ATP1A3: variants seen among roughly 807,000 people sequenced by gnomAD.
The protein encoded by ATP1A3 is ATPase Na+/K+ transporting subunit alpha 3.
ATP1A3 carries 12 observed loss-of-function variants against 108.8 expected under a neutral mutation model. That is an observed-to-expected ratio of 0.11 (90% confidence interval 0.07 to 0.18). ATP1A3 has a LOEUF of 0.18. ATP1A3 is among the 10% of genes least tolerant of loss of function. The pLI, the probability that ATP1A3 is intolerant of heterozygous loss-of-function variation, is 1.00. For synonymous variants in ATP1A3, 539 were observed against 564.5 expected, an observed-to-expected ratio of 0.95 and a Z score of 0.64; for missense variants, 498 against 1,387.7, an observed-to-expected ratio of 0.36 and a Z score of 10.19.
At chr19:41,975,462 G>A (rs1044431953) in intron 16 of ATP1A3, among the ~76,000 whole-genome samples, 167 bp downstream of exon 16, 5 of 152,196 alleles carry the variant, frequency 3.3e-5, no homozygotes, top group Non-Finnish European at 5.9e-5. Flanking sequence ...GGGAGCTCCC[G>A]ACCCCACAGG....
At chr19:41,979,589 G>A (rs1221844420) in intron 11 of ATP1A3, among the ~76,000 whole-genome samples, 1 of 151,862 alleles carries the variant, frequency 6.6e-6, no homozygotes, top group East Asian at 1.9e-4. Context: ...TTACAGGCGT[G>A]AGCCACCACA....
At position 41,988,643 on chromosome 19, in the gene ATP1A3, T is replaced by C. The variant is rs1599726419; in HGVS notation, c.7-81A>G. On this transcript the variant is annotated intron_variant, in intron 1 of 22. Transcript: ENST00000648268. The surrounding 1 kb of genome is among the most constrained non-coding windows in gnomAD (Gnocchi z 5.3). ...GTTCCAGGAGGACACCGGCCCTCCA[T>C]GCCCCAGCTATCCTCCTGGCCGGTG... 4 of 1,610,952 alleles carry C rather than the reference T, an allele frequency of 2.5e-6. No homozygotes were observed. Among genetic ancestry groups the C allele is most frequent in the Admixed American group, 1.7e-5 (1 of 59,966 alleles).
rs1555866323 is a variant in ATP1A3, at chr19:41,988,524, C to T, written c.45G>A (p.Lys15=). Residue 15 remains lysine, a synonymous_variant, in exon 2 of 23, where the codon AAG becomes AAA. Coordinates refer to ENST00000648268, the MANE Select transcript of ATP1A3 (RefSeq NM_152296.5). The surrounding 1 kb of genome is among the most constrained non-coding windows in gnomAD (Gnocchi z 5.3). ...CATCCAGGTCCCGGCGCTCCTTGCC[C>T]TTGTTCTTCTTGGGTGAGTCCTTGT... ...KDDKDSPKKN[K]GKERRDLDDL... 1 of 1,614,182 alleles carries T rather than the reference C, an allele frequency of 6.2e-7. No individual in the cohort carries two copies. Among genetic ancestry groups the T allele is most frequent in the Non-Finnish European group, 8.5e-7 (1 of 1,180,036 alleles).
chr19:41,968,992 G>A lies in ATP1A3; in HGVS notation c.2689-77C>T. On this transcript the variant is annotated intron_variant, in intron 19 of 22. Transcript: ENST00000648268. This position sits in a 1 kb window ranked among gnomAD's most constrained non-coding sequence, Gnocchi z 5.0. ...CTAGCCGCCACCCCGACGTTCCGGT[G>A]CTCTTTGCCCCGCCCCATCCTGCAT... The A allele has an allele frequency of 6.2e-7, 1 of 1,604,682 alleles. No individual in the cohort carries two copies.
intron 4 of ATP1A3, 117 bp downstream of exon 4, chr19:41,987,819 A>T: frequency 7.6e-7 from 1 of 1,320,746 alleles, no homozygotes; most frequent in Admixed American, 1.7e-5. Context: ...TGTGAGTTAG[A>T]TGGGAAAAAG....
rs782017635 is a variant in ATP1A3 at position 41,978,241 on chromosome 19, G to A, written c.1716C>T (p.Asn572=). 17 of 1,614,010 alleles carry A rather than the reference G, an allele frequency of 1.1e-5. No individual in the cohort carries two copies. The highest frequency in any genetic ancestry group is 1.6e-4 in the Middle Eastern group (1 of 6,084). ...TGGACATGAGGCCCACAAAGCAGAG[G>A]TTGTCCGTGGTGAAGTTCACGTCAT... ...DCDDVNFTTD[N]LCFVGLMSMI... is the part of the protein sequence containing the mutation. Residue 572 remains asparagine, a synonymous_variant, in exon 13 of 23, where the codon AAC becomes AAT. Transcript: ENST00000648268. This position sits in a 1 kb window ranked among gnomAD's most constrained non-coding sequence, Gnocchi z 8.3.
At position 41,988,234 on chromosome 19, in the gene ATP1A3, C is replaced by A. The variant is rs1184488276; in HGVS notation, c.153+84G>T. On this transcript the variant is annotated intron_variant, in intron 3 of 22. Transcript: ENST00000648268. This position sits in a 1 kb window ranked among gnomAD's most constrained non-coding sequence, Gnocchi z 5.3. ...CCAGAACTTAAGACACCAGCCACAG[C>A]CCCTCCTCCCTCAGACCCAGGGGTC... 3.2e-5 allele frequency: 52 copies of A among 1,611,952 alleles called. No homozygotes were observed. Among genetic ancestry groups the A allele is most frequent in the Non-Finnish European group, 4.4e-5 (52 of 1,178,260 alleles).
intron 8 of ATP1A3, 77 bp from the exon 9 acceptor site, chr19:41,982,183 A>G (rs563287694): frequency 6.2e-7 from 1 of 1,610,824 alleles, no homozygotes; most frequent in African/African-American, 1.3e-5. Context: ...CGAGGGCCAC[A>G]GCCCAGCTGC....
Position 41,969,368 on chromosome 19 carries a change from C to A in ATP1A3, c.2688+67G>T. On this transcript the variant is annotated intron_variant, in intron 19 of 22. Coordinates refer to ENST00000648268, the MANE Select transcript of ATP1A3 (RefSeq NM_152296.5). ...GGGGCCATCGTAGGAAGTGGCCATGCATGGCTGGAACAGCTCACCCCGGGG... is the reference window on the plus strand; with the variant it reads ...GGGGCCATCGTAGGAAGTGGCCATGAATGGCTGGAACAGCTCACCCCGGGG... 19 of 1,611,812 alleles carry A rather than the reference C, an allele frequency of 1.2e-5. No homozygotes were observed. The South Asian group carries it at 2.1e-4, about 18-fold the overall frequency.
At chr19:41,984,840 T>G in intron 8 of ATP1A3, 78 bp downstream of exon 8, 1 of 1,494,982 alleles carries the variant, frequency 6.7e-7, no homozygotes, top group Non-Finnish European at 9.0e-7. Context: ...GGGTCCAGGA[T>G]CCCAGCCCCT....
In ATP1A3 at chr19:41,968,805, C is replaced by G. The variant is rs150417636; in HGVS notation, c.2799G>C (p.Ser933=). Residue 933 remains serine, a synonymous_variant, in exon 20 of 23, where the codon TCG becomes TCC. Transcript: ENST00000648268. The surrounding 1 kb of genome is among the most constrained non-coding windows in gnomAD (Gnocchi z 5.0). The part of the protein sequence containing the change: ...DLIICKTRRN[S]VFQQGMKNKI... ...CTCACTTCATGCCCTGCTGGAAGAC[C>G]GAGTTCCTCCGGGTCTTGCAGATGA... 1.9e-6 allele frequency: 3 copies of G among 1,614,106 alleles called. No individual in the cohort carries two copies. Among genetic ancestry groups the G allele is most frequent in the Admixed American group, 3.3e-5 (2 of 60,020 alleles).
In ATP1A3 at chr19:41,978,480, C is replaced by T; in HGVS notation, c.1630+126G>A. ...AGGATACCTTCCCCTCTCATCCATC[C>T]ATTCATTCATTCATTCATTCATTTA... On this transcript the variant is annotated intron_variant, in intron 12 of 22. Coordinates refer to ENST00000648268, the MANE Select transcript of ATP1A3 (RefSeq NM_152296.5). This position sits in a 1 kb window ranked among gnomAD's most constrained non-coding sequence, Gnocchi z 8.3. 1 of 1,429,928 alleles carries T rather than the reference C, an allele frequency of 7.0e-7. No individual in the cohort carries two copies. The highest frequency in any genetic ancestry group is 9.7e-7 in the Non-Finnish European group (1 of 1,035,152). The allele number at this position is 1,429,928 out of a possible 1,614,324, so 88.6% of individuals were successfully genotyped here.
At position 41,967,692 on chromosome 19, in the gene ATP1A3, A is replaced by T; in HGVS notation, c.2891T>A (p.Met964Lys). ...LAAFLSYCPG[M>K]DVALRMYPLK... ...AGGGTACATGCGCAGGGCCACGTCC[A>T]TGCCGGGGCAGTAGGACAGGAAGGC... is the stretch of plus-strand genomic sequence containing the variant. Residue 964 changes from methionine (M) to lysine (K), a missense_variant, in exon 21 of 23, where the codon ATG becomes AAG. This residue lies in a region of ATP1A3 where 121 missense variants were observed against 425.1 expected (regional missense o/e 0.28). Coordinates refer to ENST00000648268, the MANE Select transcript of ATP1A3 (RefSeq NM_152296.5). The surrounding 1 kb of genome is among the most constrained non-coding windows in gnomAD (Gnocchi z 4.2). The T allele has an allele frequency of 6.2e-7, 1 of 1,614,088 alleles. No homozygotes were observed. The highest frequency in any genetic ancestry group is 1.1e-5 in the South Asian group (1 of 91,082).
Position 41,981,091 on chromosome 19 carries a change from G to A in ATP1A3, c.1437+411C>T, listed in dbSNP as rs1430781553. On this transcript the variant is annotated intron_variant, in intron 11 of 22. Coordinates refer to ENST00000648268, the MANE Select transcript of ATP1A3 (RefSeq NM_152296.5). The surrounding 1 kb of genome is among the most constrained non-coding windows in gnomAD (Gnocchi z 5.0). ...GGCTCTCTGCAGCCCCAACCTCCCC[G>A]GCTCAGGCAATCCTCCTGCCTCAGA... Among the ~76,000 whole-genome samples, 2 of 149,590 alleles carry A rather than the reference G, an allele frequency of 1.3e-5. No homozygotes were observed. The highest frequency in any genetic ancestry group is 3.0e-5 in the Non-Finnish European group (2 of 67,614).
chr19:41,980,080 G>A (rs1341882105), intron 11 of ATP1A3, among the ~76,000 whole-genome samples: 11 of 152,200 alleles, frequency 7.2e-5, no homozygotes, highest in African/African-American at 2.7e-4. Flanking sequence ...GCACACTCCC[G>A]CCTCTGGGCC....
At position 41,986,132 on chromosome 19, in the gene ATP1A3, T is replaced by C. The variant is rs1555865360; in HGVS notation, c.455A>G (p.Lys152Arg). 1 of 1,614,062 alleles carries C rather than the reference T, an allele frequency of 6.2e-7. No homozygotes were observed. Among genetic ancestry groups the C allele is most frequent in the South Asian group, 1.1e-5 (1 of 91,090 alleles). The stretch of plus-strand genomic sequence containing the variant: ...ACCCTTCACCTGGGGCACCATGTTC[T>C]TGAAGGACTCCATGATCTTGGAGCT... ...AKSSKIMESF[K>R]NMVPQQALVI... Residue 152 changes from lysine (K) to arginine (R), a missense_variant, in exon 5 of 23, where the codon AAG becomes AGG. This residue lies in a region of ATP1A3 where 127 missense variants were observed against 464.0 expected (regional missense o/e 0.27). Transcript: ENST00000648268.
In ATP1A3 at chr19:41,985,802, C is replaced by T; in HGVS notation, c.606+62G>A. The T allele has an allele frequency of 6.2e-7, 1 of 1,602,884 alleles. No individual in the cohort carries two copies. Among genetic ancestry groups the T allele is most frequent in the Non-Finnish European group, 8.5e-7 (1 of 1,176,510 alleles). On this transcript the variant is annotated intron_variant, in intron 6 of 22. Transcript: ENST00000648268. The surrounding 1 kb of genome is among the most constrained non-coding windows in gnomAD (Gnocchi z 8.2). ...ACTCCTGAGTGTGAGGGAGGAGGGG[C>T]TGGGCCTGAGCTCCTGGGCAGCCCG...
chr19:41,974,255 G>A (rs1375450641), intron 16 of ATP1A3, among the ~76,000 whole-genome samples: 1 of 151,774 alleles, frequency 6.6e-6, no homozygotes, highest in African/African-American at 2.4e-5. Context: ...ACTAGTCTGG[G>A]CAACATGGCG....
rs2075305474 is a variant in ATP1A3 at position 41,988,357 on chromosome 19, C to A, written c.114G>T (p.Val38=). ...EVAMTEHKMS[V]EEVCRKYNTD... is the part of the protein sequence containing the mutation. ...TGTTGTATTTCCGGCAGACCTCTTC[C>A]ACTGACATCTTGTGCTCTGTCTGAG... The change falls in exon 3 of 23, where the codon GTG becomes GTT. Residue 38 remains valine (V), a synonymous_variant. Transcript: ENST00000648268. This position sits in a 1 kb window ranked among gnomAD's most constrained non-coding sequence, Gnocchi z 5.3. 6.2e-7 allele frequency: 1 copy of A among 1,614,070 alleles called. No homozygotes were observed. The highest frequency in any genetic ancestry group is 1.7e-5 in the Admixed American group (1 of 60,010).
Sources: allele counts gnomAD v4.1 joint callset (sites outside exome capture counted in the v4.1 genomes callset), GRCh38; gene constraint gnomAD v4.1.1; regional missense constraint gnomAD v4.1.1; non-coding constraint Gnocchi (gnomAD v3.1); transcripts MANE v1.5; gene names NCBI Gene and HGNC (gene_info 2026-07-23, HGNC 2026-07-21).